USP37: variants seen among roughly 807,000 people sequenced by gnomAD.
The protein encoded by USP37 is ubiquitin specific peptidase 37.
A neutral mutation model predicts 124.0 loss-of-function variants in USP37; 27 were observed. The observed-to-expected ratio is 0.22, with a 90% CI of 0.16 to 0.30. The LOEUF (loss-of-function observed/expected upper bound fraction) is 0.30, where lower values mean the gene tolerates loss of function less well. USP37 is among the 10% of genes least tolerant of loss of function. The pLI, the probability that USP37 is intolerant of heterozygous loss-of-function variation, is 1.00. For missense variants in USP37, 889 were observed against 1,140.4 expected (o/e 0.78, Z 3.17); for synonymous variants, 365 against 388.0 (o/e 0.94, Z 0.70).
At chr2:218,531,113 T>C (rs1691296497) in intron 9 of USP37, among the ~76,000 whole-genome samples, 1 of 152,248 alleles carries the variant, frequency 6.6e-6, no homozygotes. Context: ...GTCTTCGATG[T>C]AGCTGCAATA....
At chr2:218,514,583 T>G (rs1163016367) in intron 10 of USP37, among the ~76,000 whole-genome samples, 1 of 152,194 alleles carries the variant, frequency 6.6e-6, no homozygotes, top group Non-Finnish European at 1.5e-5. Flanking sequence ...TAATCTTGAT[T>G]TCTTGGTTAA....
At chr2:218,551,671 T>C (rs768569874) in intron 5 of USP37, among the ~76,000 whole-genome samples, 9 of 152,262 alleles carry the variant, frequency 5.9e-5, no homozygotes, top group Non-Finnish European at 1.0e-4. Flanking sequence ...CATGCTTTTC[T>C]TACACGTATC....
intron 8 of USP37, among the ~76,000 whole-genome samples, chr2:218,536,527 A>G (rs1325843327): frequency 2.0e-5 from 3 of 152,222 alleles, no homozygotes; most frequent in Non-Finnish European, 4.4e-5. Flanking sequence ...ATTTGGATTA[A>G]AACAACTTTA....
chr2:218,535,840 G>A (rs549804061), intron 8 of USP37, among the ~76,000 whole-genome samples: 6 of 134,824 alleles, frequency 4.5e-5, no homozygotes, highest in Non-Finnish European at 9.4e-5. Flanking sequence ...GGGTGACAGA[G>A]CGAGACTCTG....
chr2:218,540,225 G>C (rs1253626455), intron 8 of USP37, among the ~76,000 whole-genome samples: 3 of 152,030 alleles, frequency 2.0e-5, no homozygotes, highest in Non-Finnish European at 4.4e-5. Context: ...GTGACTAATG[G>C]GCGGGTAGCA....
At chr2:218,488,156 A>C in intron 15 of USP37, 148 bp downstream of exon 15, 1 of 565,316 alleles carries the variant, frequency 1.8e-6, no homozygotes, top group South Asian at 2.6e-5. Context: ...AGCCAGGGTG[A>C]CAAAGTGAGA....
Position 218,510,043 on chromosome 2 carries a change from C to A in USP37, c.961G>T (p.Asp321Tyr). The change falls in exon 11 of 26, where the codon GAT becomes TAT. Residue 321 changes from aspartate (D) to tyrosine (Y), a missense_variant. Transcript: ENST00000258399. ...LSVKKLRCNQ[D>Y]YTGWNKPRVP... ...CTTGGTTTATTCCAGCCAGTGTAAT[C>A]CTGGTTACACCTCAGTTTTTTAACA... The A allele has an allele frequency of 6.2e-7, 1 of 1,612,600 alleles. No homozygotes were observed. The highest frequency in any genetic ancestry group is 8.5e-7 in the Non-Finnish European group (1 of 1,179,522).
intron 4 of USP37, among the ~76,000 whole-genome samples, 196 bp downstream of exon 4, chr2:218,558,302 G>A (rs1215925583): frequency 6.6e-6 from 1 of 152,062 alleles, no homozygotes; most frequent in African/African-American, 2.4e-5. Context: ...ACTACTTCCT[G>A]CTTTTATTAT....
chr2:218,535,013 T>G (rs192965874), intron 8 of USP37, among the ~76,000 whole-genome samples: 1 of 152,354 alleles, frequency 6.6e-6, no homozygotes, highest in African/African-American at 2.4e-5. Flanking sequence ...TAGATTTTCT[T>G]GGCCAAAAGC....
chr2:218,510,982 G>A (rs1689952660), intron 10 of USP37, among the ~76,000 whole-genome samples: 2 of 151,694 alleles, frequency 1.3e-5, no homozygotes, highest in Non-Finnish European at 2.9e-5. Flanking sequence ...GTGACAAAGT[G>A]AGAAGGCATC....
intron 11 of USP37, among the ~76,000 whole-genome samples, chr2:218,508,474 A>G (rs636723): frequency 0.66 from 100,640 of 151,874 alleles, 33,789 homozygotes; most frequent in East Asian, 0.9. Context: ...TCTCAAAAGA[A>G]TCTGAAGGAG....
chr2:218,545,792 C>T (rs564924522), intron 8 of USP37, among the ~76,000 whole-genome samples: 1 of 152,278 alleles, frequency 6.6e-6, no homozygotes, highest in South Asian at 2.1e-4. Context: ...AAGATTAATG[C>T]TACTTGCCTA....
At chr2:218,467,358 T>TCTATCTA in intron 20 of USP37, among the ~76,000 whole-genome samples, 1 of 141,352 alleles carries the variant, frequency 7.1e-6, no homozygotes, top group Admixed American at 7.2e-5. Context: ...TATCTATCTA[T>TCTATCTA]TTTTTTTTGA....
In USP37 at chr2:218,451,733, A is replaced by AC. The variant is rs1240615891; in HGVS notation, c.*3196dup. ...AGGAGAAAAATAAATGTGTAGTCTA[A>AC]CATTTGCTTTCTGGAGTTAATTAAC... On this transcript the variant is annotated 3_prime_UTR_variant, in exon 26 of 26. Coordinates refer to ENST00000258399, the MANE Select transcript of USP37 (RefSeq NM_020935.3). 2 of 152,496 alleles carry AC rather than the reference A, an allele frequency of 1.3e-5. No homozygotes were observed. The highest frequency in any genetic ancestry group is 2.9e-5 in the Non-Finnish European group (2 of 68,042). 9.4% of individuals were successfully genotyped at this position (152,496 alleles called of 1,614,324 possible).
chr2:218,466,157 C>G lies in USP37; in HGVS notation c.2319G>C (p.Glu773Asp), dbSNP rs1209449988. 7 of 1,604,766 alleles carry G rather than the reference C, an allele frequency of 4.4e-6. No individual in the cohort carries two copies. Among genetic ancestry groups the G allele is most frequent in the Admixed American group, 1.8e-5 (1 of 57,140 alleles). ...TATTCTCATCACAGTCTTTAGTTAT[C>G]TCAGTAAAACTGGCAGGATCTGAGG... The part of the protein sequence containing the change: ...ITELDPASFT[E>D]ITKDCDENKE... Residue 773 changes from glutamate to aspartate, a missense_variant, in exon 21 of 26, where the codon GAG becomes GAC. Glu to Asp is a conservative substitution (Grantham distance 45). Coordinates refer to ENST00000258399, the MANE Select transcript of USP37 (RefSeq NM_020935.3).
At chr2:218,557,383 C>A (rs988019059) in intron 4 of USP37, among the ~76,000 whole-genome samples, 1 of 151,932 alleles carries the variant, frequency 6.6e-6, no homozygotes, top group East Asian at 1.9e-4. Context: ...TGCAAAAAAC[C>A]CTTTCTTTTG....
chr2:218,482,276 T>G (rs1187426120), intron 16 of USP37, 42 bp from the exon 17 acceptor site: 3 of 1,558,414 alleles, frequency 1.9e-6, no homozygotes, highest in Non-Finnish European at 2.6e-6. Flanking sequence ...TCATACATAA[T>G]ACATGTATCT....
At chr2:218,547,163 A>AT in intron 6 of USP37, 72 bp from the exon 7 acceptor site, 2 of 1,480,136 alleles carry the variant, frequency 1.4e-6, no homozygotes, top group Non-Finnish European at 1.8e-6. Flanking sequence ...TGATTCTCCA[A>AT]TGGAAAGGTT....
At chr2:218,474,492 G>T (rs892162982) in intron 20 of USP37, 138 bp downstream of exon 20, 2 of 1,273,976 alleles carry the variant, frequency 1.6e-6, no homozygotes, top group African/African-American at 3.0e-5. Flanking sequence ...CTCCCGAGTA[G>T]CTGGGATTAG....
Sources: allele counts gnomAD v4.1 joint callset (sites outside exome capture counted in the v4.1 genomes callset), GRCh38; gene constraint gnomAD v4.1.1; transcripts MANE v1.5; gene names NCBI Gene and HGNC (gene_info 2026-07-23, HGNC 2026-07-21).